ADGB: variants seen among roughly 807,000 people sequenced by gnomAD.
The protein encoded by ADGB is calpain-7-like protein.
ADGB carries 172 observed loss-of-function variants against 210.5 expected under a neutral mutation model. The observed-to-expected ratio is 0.82, with a 90% CI of 0.72 to 0.93. The LOEUF is 0.93. Ranked by LOEUF, ADGB falls within the 40% of genes least tolerant of loss-of-function variation. The pLI is 0.00. For synonymous variants in ADGB, 658 were observed against 662.7 expected, an observed-to-expected ratio of 0.99 and a Z score of 0.11; for missense variants, 2,025 against 1,964.8, an observed-to-expected ratio of 1.03 and a Z score of -0.58.
chr6:146,807,129 A>G (rs930746834), intron 35 of ADGB, among the ~76,000 whole-genome samples: 1 of 152,214 alleles, frequency 6.6e-6, no homozygotes, highest in African/African-American at 2.4e-5. Flanking sequence ...AATAATTTAA[A>G]CAGAATACCT....
chr6:146,640,988 G>A (rs570703092), intron 2 of ADGB, among the ~76,000 whole-genome samples: 85 of 151,984 alleles, frequency 5.6e-4, no homozygotes, highest in Non-Finnish European at 8.1e-4. Context: ...GTTTGAAGAC[G>A]ACATAATTCT....
chr6:146,793,515 G>A (rs755015621), intron 33 of ADGB, among the ~76,000 whole-genome samples: 5 of 152,166 alleles, frequency 3.3e-5, no homozygotes, highest in Non-Finnish European at 5.9e-5. Flanking sequence ...CCAGTGGGTC[G>A]GTCCAGGGGT....
At chr6:146,676,496 G>A in intron 9 of ADGB, 55 bp downstream of exon 9, 1 of 1,217,682 alleles carries the variant, frequency 8.2e-7, no homozygotes, top group Non-Finnish European at 1.1e-6. Context: ...TTAAAATGCT[G>A]GAAAACCTTG....
chr6:146,677,755 G>A (rs1776104661), intron 9 of ADGB, among the ~76,000 whole-genome samples: 1 of 152,134 alleles, frequency 6.6e-6, no homozygotes, highest in Non-Finnish European at 1.5e-5. Flanking sequence ...AGTCAAGCTG[G>A]TTGAGTTCAA....
At chr6:146,715,461 T>C (rs1053494943) in intron 14 of ADGB, 46 bp downstream of exon 14, 11 of 1,333,810 alleles carry the variant, frequency 8.2e-6, no homozygotes, top group Middle Eastern at 1.8e-4. Flanking sequence ...TACATCAAGA[T>C]ACAGAGGGGC....
intron 31 of ADGB, among the ~76,000 whole-genome samples, 174 bp from the exon 32 acceptor site, chr6:146,785,436 T>C (rs1300385611): frequency 1.3e-5 from 2 of 152,180 alleles, no homozygotes; most frequent in African/African-American, 4.8e-5. Context: ...CATGGATGAT[T>C]CAGAATTTGA....
At chr6:146,709,147 A>G (rs1212154162) in intron 13 of ADGB, among the ~76,000 whole-genome samples, 7 of 152,028 alleles carry the variant, frequency 4.6e-5, no homozygotes, top group Non-Finnish European at 8.8e-5. Flanking sequence ...GTGTTTTGCT[A>G]TTTTTGAAGT....
intron 1 of ADGB, among the ~76,000 whole-genome samples, chr6:146,605,826 A>G (rs1221750797): frequency 2.6e-5 from 4 of 152,156 alleles, no homozygotes; most frequent in African/African-American, 9.7e-5. Context: ...AATAGTCTCA[A>G]TCTGAGCACT....
In ADGB at chr6:146,647,099, A is replaced by AC. The variant is rs1320317696; in HGVS notation, c.330+2234_330+2235insC. On this transcript the variant is annotated intron_variant, in intron 3 of 35. Transcript: ENST00000397944. ...GTGAGAGCCTGTCTCAAAAAAAAAC[A>AC]AAAAACAAAAAACAAAAAACAAACA... 4.4e-4 allele frequency among the ~76,000 whole-genome samples: 29 copies of AC among 65,862 alleles called. 1 individual carries two copies. Among genetic ancestry groups the AC allele is most frequent in the African/African-American group, 1.0e-3 (29 of 28,700 alleles). 43.2% of individuals were successfully genotyped at this position (65,862 alleles called of 152,430 possible). A position where few individuals can be genotyped will look rare whatever the true frequency, so the allele number is the denominator to read the frequency against.
At position 146,697,114 on chromosome 6, in the gene ADGB, A is replaced by AG. The variant is rs200078551; in HGVS notation, c.1578-3822dup. Among the ~76,000 whole-genome samples the AG allele has an allele frequency of 8.0e-3, 1,224 of 152,272 alleles. 10 individuals are homozygous for AG. Among genetic ancestry groups the AG allele is most frequent in the African/African-American group, 0.027 (1,135 of 41,548 alleles). ...AGACAATGAAGAACAATGAAGAGAA[A>AG]GGGGGAAGGAGGAGGAAGAGGAACC... On this transcript the variant is annotated intron_variant, in intron 12 of 35. Coordinates refer to ENST00000397944, the MANE Select transcript of ADGB (RefSeq NM_024694.4).
chr6:146,767,326 C>T lies in ADGB; in HGVS notation c.3751-1694C>T, dbSNP rs908880351. Among the ~76,000 whole-genome samples the T allele has an allele frequency of 2.6e-5, 4 of 152,150 alleles. No individual in the cohort carries two copies. In the South Asian group the frequency reaches 8.3e-4, roughly 32 times the overall value. ...ATATAATCATATGCCCAAGAAAAAA[C>T]AACAGAATAAACAAACTTTAGAACT... On this transcript the variant is annotated intron_variant, in intron 28 of 35. Coordinates refer to ENST00000397944, the MANE Select transcript of ADGB (RefSeq NM_024694.4).
chr6:146,701,429 T>A (rs1776488490), intron 13 of ADGB, among the ~76,000 whole-genome samples: 1 of 152,106 alleles, frequency 6.6e-6, no homozygotes, highest in Non-Finnish European at 1.5e-5. Context: ...ATTTATTGTA[T>A]AAAATTATGC....
intron 2 of ADGB, among the ~76,000 whole-genome samples, chr6:146,636,327 G>T (rs80061797): frequency 0.019 from 2,948 of 152,080 alleles, 40 homozygotes; most frequent in Middle Eastern, 0.058. Context: ...TAGCATGTAC[G>T]TTTTGTTCAC....
intron 23 of ADGB, 116 bp downstream of exon 23, chr6:146,736,707 T>C (rs751926611): frequency 6.1e-5 from 34 of 559,142 alleles, no homozygotes; most frequent in Non-Finnish European, 8.9e-5. Flanking sequence ...AACCACACCA[T>C]TACTTCGGAC....
chr6:146,690,363 T>C (rs1776286430), intron 10 of ADGB, among the ~76,000 whole-genome samples: 2 of 152,334 alleles, frequency 1.3e-5, no homozygotes, highest in Admixed American at 1.3e-4. Context: ...GATTTTAATG[T>C]TGTTAATATT....
Position 146,739,448 on chromosome 6 carries a change from G to A in ADGB, c.2889-1011G>A, listed in dbSNP as rs1020425424. Among the ~76,000 whole-genome samples the A allele has an allele frequency of 2.0e-5, 3 of 152,196 alleles. No individual in the cohort carries two copies. The South Asian group carries it at 6.2e-4, about 32-fold the overall frequency. ...ACCACAGCTATCCCAGGCAAACCAGGATAGATGGTTACCCTATTATTTGTC... is the reference window on the plus strand; with the variant it reads ...ACCACAGCTATCCCAGGCAAACCAGAATAGATGGTTACCCTATTATTTGTC... On this transcript the variant is annotated intron_variant, in intron 23 of 35. Coordinates refer to ENST00000397944, the MANE Select transcript of ADGB (RefSeq NM_024694.4).
chr6:146,753,212 G>A (rs997579027), intron 27 of ADGB, among the ~76,000 whole-genome samples: 1 of 151,994 alleles, frequency 6.6e-6, no homozygotes, highest in Non-Finnish European at 1.5e-5. Context: ...CATTACCAAT[G>A]TAGCATATTT....
At chr6:146,661,220 C>CTTTTTTTTTTTTTTTTTTTT (rs5880682) in intron 5 of ADGB, among the ~76,000 whole-genome samples, 1 of 116,064 alleles carries the variant, frequency 8.6e-6, no homozygotes, top group Non-Finnish European at 1.7e-5. Flanking sequence ...TTCTTTTTTT[C>CTTTTTTTTTTTTTTTTTTTT]TTTTTTTTTT....
At chr6:146,611,953 G>T (rs1156419683) in intron 1 of ADGB, among the ~76,000 whole-genome samples, 1 of 152,032 alleles carries the variant, frequency 6.6e-6, no homozygotes, top group African/African-American at 2.4e-5. Flanking sequence ...GGCATATCCT[G>T]GGAAATGGCA....
Sources: allele counts gnomAD v4.1 joint callset (sites outside exome capture counted in the v4.1 genomes callset), GRCh38; gene constraint gnomAD v4.1.1; transcripts MANE v1.5; gene names NCBI Gene and HGNC (gene_info 2026-07-23, HGNC 2026-07-21).